Variants in TMTC3 observed in about 807,000 individuals in gnomAD.
The protein encoded by TMTC3 is transmembrane O-mannosyltransferase targeting cadherins 3, also known as protein O-mannosyl-transferase TMTC3.
A neutral mutation model predicts 92.2 loss-of-function variants in TMTC3; 52 were observed. The ratio of observed to expected loss-of-function variants is 0.56; its 90% CI spans 0.45 to 0.71. The LOEUF is 0.71. Among genes scored for constraint, TMTC3 ranks in the 30% least tolerant of loss-of-function variants. The pLI is 0.00. For missense variants in TMTC3, 896 were observed against 1,057.1 expected, an observed-to-expected ratio of 0.85 and a Z score of 2.11; for synonymous variants, 339 against 363.3, an observed-to-expected ratio of 0.93 and a Z score of 0.76.
chr12:88,170,097 G>A (rs2041188676), intron 7 of TMTC3, among the ~76,000 whole-genome samples: 1 of 152,194 alleles, frequency 6.6e-6, no homozygotes, highest in African/African-American at 2.4e-5. Flanking sequence ...GCTACTGGAA[G>A]AAGGAAATTA....
chr12:88,167,782 C>A (rs1441751701), intron 7 of TMTC3, among the ~76,000 whole-genome samples: 3 of 152,164 alleles, frequency 2.0e-5, no homozygotes, highest in Admixed American at 1.3e-4. Flanking sequence ...ACATTTTGAA[C>A]AGCACTTTAT....
intron 10 of TMTC3, among the ~76,000 whole-genome samples, chr12:88,181,194 T>G (rs1160424248): frequency 6.6e-6 from 1 of 152,220 alleles, no homozygotes; most frequent in African/African-American, 2.4e-5. Context: ...AGAAAATGTT[T>G]AATAACATAT....
intron 10 of TMTC3, among the ~76,000 whole-genome samples, chr12:88,180,778 C>T (rs1353165977): frequency 6.6e-6 from 1 of 152,104 alleles, no homozygotes; most frequent in African/African-American, 2.4e-5. Flanking sequence ...TGAACACAAG[C>T]ATATTCTCTT....
intron 10 of TMTC3, among the ~76,000 whole-genome samples, chr12:88,185,941 A>G (rs978748009): frequency 2.0e-5 from 3 of 152,132 alleles, no homozygotes; most frequent in African/African-American, 7.2e-5. Context: ...TTAAAATGCT[A>G]TTAGTAATTT....
At chr12:88,152,322 T>A (rs569071766) in intron 2 of TMTC3, among the ~76,000 whole-genome samples, 2 of 152,012 alleles carry the variant, frequency 1.3e-5, no homozygotes, top group African/African-American at 2.4e-5. Flanking sequence ...GGTTCCAGGC[T>A]CTTTTAAGCA....
At chr12:88,152,859 G>A (rs909063955) in intron 2 of TMTC3, among the ~76,000 whole-genome samples, 2 of 152,062 alleles carry the variant, frequency 1.3e-5, no homozygotes, top group African/African-American at 4.8e-5. Context: ...AATTGAACTG[G>A]TAAGCATTCT....
chr12:88,172,071 A>G (rs1376824731), intron 7 of TMTC3, among the ~76,000 whole-genome samples: 1 of 152,020 alleles, frequency 6.6e-6, no homozygotes, highest in East Asian at 1.9e-4. Context: ...TGAGTGTGTT[A>G]TTTTAGATAG....
Position 88,172,557 on chromosome 12 carries a change from A to T in TMTC3, c.1051-40A>T, listed in dbSNP as rs11104747. On this transcript the variant is annotated intron_variant, in intron 7 of 13. Coordinates refer to ENST00000266712, the MANE Select transcript of TMTC3 (RefSeq NM_181783.4). ...CTTAATTTATTATAAATTATTTTAAATTTATTATAAATTATTAAATCTTCT... is the reference window on the plus strand; with the variant it reads ...CTTAATTTATTATAAATTATTTTAATTTTATTATAAATTATTAAATCTTCT... 16,415 of 1,136,324 alleles carry T rather than the reference A, an allele frequency of 0.014. 1,900 individuals are homozygous for T. The African/African-American group carries it at 0.24, about 17-fold the overall frequency. The allele number at this position is 1,136,324 out of a possible 1,614,324, so 70.4% of individuals were successfully genotyped here.
intron 10 of TMTC3, among the ~76,000 whole-genome samples, chr12:88,177,826 C>G (rs1024272936): frequency 2.6e-5 from 4 of 151,980 alleles, no homozygotes; most frequent in African/African-American, 9.7e-5. Flanking sequence ...CACTAACTGG[C>G]TAAGGTAGAA....
At position 88,198,461 on chromosome 12, in the gene TMTC3, A is replaced by G. The variant is rs1275545309; in HGVS notation, c.*2812A>G. The G allele has an allele frequency of 7.5e-6, 3 of 397,944 alleles. No homozygotes were observed. Among genetic ancestry groups the G allele is most frequent in the Non-Finnish European group, 1.3e-5 (3 of 225,590 alleles). The allele number at this position is 397,944 out of a possible 1,614,324, so 24.7% of individuals were successfully genotyped here. A position where few individuals can be genotyped will look rare whatever the true frequency, so the allele number is the denominator to read the frequency against. Reference sequence around the variant, plus strand: ...TTACCTTACTCCTTCACTGCTTCTTAGAAGGTAGAATTAAGTTTCTGGAAT... The same window carrying G: ...TTACCTTACTCCTTCACTGCTTCTTGGAAGGTAGAATTAAGTTTCTGGAAT... On this transcript the variant is annotated 3_prime_UTR_variant, in exon 14 of 14. Coordinates refer to ENST00000266712, the MANE Select transcript of TMTC3 (RefSeq NM_181783.4).
chr12:88,168,754 G>C (rs1394088846), intron 7 of TMTC3, among the ~76,000 whole-genome samples: 1 of 152,112 alleles, frequency 6.6e-6, no homozygotes, highest in African/African-American at 2.4e-5. Context: ...TTGTACCTGA[G>C]GTATGTAACG....
intron 6 of TMTC3, among the ~76,000 whole-genome samples, chr12:88,164,564 G>A (rs1009159898): frequency 6.6e-6 from 1 of 152,130 alleles, no homozygotes; most frequent in Non-Finnish European, 1.5e-5. Flanking sequence ...CTAGAAAGCA[G>A]AAGATATAGT....
intron 6 of TMTC3, 58 bp downstream of exon 6, chr12:88,160,909 G>T (rs1053443048): frequency 4.1e-6 from 6 of 1,459,576 alleles, no homozygotes; most frequent in South Asian, 2.6e-5. Flanking sequence ...GGATTTTAAT[G>T]ATCATAAATG....
intron 9 of TMTC3, among the ~76,000 whole-genome samples, chr12:88,175,527 A>C (rs984527418): frequency 6.6e-6 from 1 of 152,020 alleles, no homozygotes; most frequent in African/African-American, 2.4e-5. Context: ...TTCTTATACA[A>C]CTCAGTAGCT....
At chr12:88,168,517 C>A (rs561533066) in intron 7 of TMTC3, among the ~76,000 whole-genome samples, 1 of 152,244 alleles carries the variant, frequency 6.6e-6, no homozygotes, top group East Asian at 1.9e-4. Flanking sequence ...GGAGCAATGT[C>A]AGGGAGAGAC....
intron 13 of TMTC3, among the ~76,000 whole-genome samples, chr12:88,194,104 C>T (rs1355477669): frequency 6.6e-6 from 1 of 152,046 alleles, no homozygotes; most frequent in South Asian, 2.1e-4. Context: ...TGCCTGTAGT[C>T]CCAGCTACTC....
chr12:88,154,329 C>T lies in TMTC3; in HGVS notation c.450C>T (p.Ile150=). 1 of 1,608,362 alleles carries T rather than the reference C, an allele frequency of 6.2e-7. No homozygotes were observed. The highest frequency in any genetic ancestry group is 1.7e-4 in the Middle Eastern group (1 of 6,042). ...GAAGAGCAGAACTTTTGTCATCTAT[C>T]TTTTTTCTAGCAGCTTTTTTGTCAT... is the stretch of plus-strand genomic sequence containing the variant. ...VVGRAELLSS[I]FFLAAFLSYT... is the part of the protein sequence containing the mutation. Residue 150 remains isoleucine (I), a synonymous_variant, in exon 4 of 14, where the codon ATC becomes ATT. Transcript: ENST00000266712.
Position 88,150,343 on chromosome 12 carries a change from A to G in TMTC3, c.189+1839A>G, listed in dbSNP as rs188176516. 1.1e-3 allele frequency among the ~76,000 whole-genome samples: 165 copies of G among 152,300 alleles called. 1 individual carries two copies. The highest frequency in any genetic ancestry group is 3.9e-3 in the African/African-American group (161 of 41,562). ...AGTGGGGTGGTGCTAAACCATTCAT[A>G]GGAAATCCACCCTAATAATCCAATC... On this transcript the variant is annotated intron_variant, in intron 2 of 13. Transcript: ENST00000266712.
At chr12:88,184,328 G>A (rs2041352456) in intron 10 of TMTC3, among the ~76,000 whole-genome samples, 1 of 152,178 alleles carries the variant, frequency 6.6e-6, no homozygotes, top group African/African-American at 2.4e-5. Flanking sequence ...GATTTCTAGA[G>A]AAAGGAGTAA....
Sources: gnomAD v4.1 joint callset for allele counts (sites outside exome capture counted in the v4.1 genomes callset) on GRCh38, gnomAD v4.1.1 for gene constraint, MANE v1.5 for transcripts, NCBI Gene and HGNC (gene_info 2026-07-23, HGNC 2026-07-21) for gene names.